LRP1B: variants seen among roughly 807,000 people sequenced by gnomAD.
LRP1B encodes low-density lipoprotein receptor-related protein 1B.
Under a neutral mutation model 556.6 loss-of-function variants are expected in LRP1B, and 217 were observed. That is an observed-to-expected ratio of 0.39 (90% confidence interval 0.35 to 0.44). The LOEUF (loss-of-function observed/expected upper bound fraction) is 0.44, where lower values mean the gene tolerates loss of function less well. LRP1B is among the 20% of genes least tolerant of loss of function. The pLI is 1.00. For synonymous variants in LRP1B, 2,047 were observed against 1,865.8 expected (o/e 1.10, Z -2.50); for missense variants, 5,053 against 5,620.8 (o/e 0.90, Z 3.23).
At chr2:141,180,842 AAAT>A in intron 7 of LRP1B, among the ~76,000 whole-genome samples, 1 of 152,120 alleles carries the variant, frequency 6.6e-6, no homozygotes, top group East Asian at 1.9e-4. Flanking sequence ...GATTTGGAAC[AAAT>A]AATATTTGTT....
chr2:140,403,791 A>G (rs957085937), intron 66 of LRP1B, among the ~76,000 whole-genome samples: 10 of 152,176 alleles, frequency 6.6e-5, no homozygotes, highest in Admixed American at 2.0e-4. Context: ...TGGGAAATTT[A>G]TTGCAAAAAG....
At chr2:141,471,260 A>G (rs1275057898) in intron 3 of LRP1B, among the ~76,000 whole-genome samples, 2 of 76,152 alleles carry the variant, frequency 2.6e-5, no homozygotes, top group African/African-American at 8.1e-5. Flanking sequence ...TTGAGAATAT[A>G]CCCTGGTATT....
At chr2:140,957,988 C>T (rs1156349829) in intron 18 of LRP1B, among the ~76,000 whole-genome samples, 1 of 151,456 alleles carries the variant, frequency 6.6e-6, no homozygotes, top group Non-Finnish European at 1.5e-5. Context: ...TCCTGTAATT[C>T]AGAAATCTTA....
In LRP1B at chr2:141,769,557, C is replaced by T. The variant is rs1245232625; in HGVS notation, c.205+40722G>A. Among the ~76,000 whole-genome samples the T allele has an allele frequency of 2.0e-5, 3 of 152,136 alleles. No individual in the cohort carries two copies. The East Asian group carries it at 5.8e-4, about 29-fold the overall frequency. On this transcript the variant is annotated intron_variant, in intron 2 of 90. Coordinates refer to ENST00000389484, the MANE Select transcript of LRP1B (RefSeq NM_018557.3). ...AGGGAACTTGGCACATTACACGGGA[C>T]ATCAGGTCCCAGGTGGAATACAACA...
chr2:141,058,881 A>G lies in LRP1B; in HGVS notation c.1408+2T>C, dbSNP rs1458233521. On this transcript the variant is annotated splice_donor_variant, in intron 9 of 90. Transcript: ENST00000389484. LOFTEE classifies it high-confidence loss of function. ...AGGTAATAAAGAAGCTTTCCCACTT[A>G]CCTGTTGGTTGAGTTCTTTTTTGAT... 1.9e-6 allele frequency: 3 copies of G among 1,580,620 alleles called. No homozygotes were observed. The highest frequency in any genetic ancestry group is 2.6e-6 in the Non-Finnish European group (3 of 1,165,892).
At chr2:140,344,540 C>T (rs1681555981) in intron 77 of LRP1B, among the ~76,000 whole-genome samples, 1 of 151,640 alleles carries the variant, frequency 6.6e-6, no homozygotes, top group Non-Finnish European at 1.5e-5. Context: ...TGAGTTATGA[C>T]AGAAGGAAAG....
intron 83 of LRP1B, among the ~76,000 whole-genome samples, chr2:140,314,298 A>T (rs950619955): frequency 1.3e-5 from 2 of 152,056 alleles, no homozygotes; most frequent in Non-Finnish European, 2.9e-5. Context: ...CTCATGGGAC[A>T]CATTTTAAAT....
intron 60 of LRP1B, among the ~76,000 whole-genome samples, chr2:140,464,730 CTA>C (rs1558900574): frequency 6.6e-6 from 1 of 152,166 alleles, no homozygotes; most frequent in African/African-American, 2.4e-5. Flanking sequence ...CTGAGCCTGA[CTA>C]TAAGTACTTA....
At position 140,926,667 on chromosome 2, in the gene LRP1B, T is replaced by C. The variant is rs567042240; in HGVS notation, c.3137-3520A>G. Reference sequence around the variant, plus strand: ...TAATGTCCATGATTTTTAGGACTCATTTGACTTTAAAAAAATACCTAGGAT... The same window carrying C: ...TAATGTCCATGATTTTTAGGACTCACTTGACTTTAAAAAAATACCTAGGAT... On this transcript the variant is annotated intron_variant, in intron 20 of 90. Transcript: ENST00000389484. 4.6e-5 allele frequency among the ~76,000 whole-genome samples: 7 copies of C among 152,276 alleles called. No individual in the cohort carries two copies. In the South Asian group the frequency reaches 1.2e-3, roughly 27 times the overall value.
intron 51 of LRP1B, among the ~76,000 whole-genome samples, chr2:140,510,833 C>G: frequency 6.6e-6 from 1 of 152,018 alleles, no homozygotes; most frequent in East Asian, 1.9e-4. Context: ...ACAAAGGGTT[C>G]CTCTTTCCTT....
chr2:140,368,704 A>C, intron 71 of LRP1B, among the ~76,000 whole-genome samples: 1 of 151,864 alleles, frequency 6.6e-6, no homozygotes, highest in East Asian at 1.9e-4. Context: ...CTCAGCTCCT[A>C]TAAGCTCATG....
chr2:141,636,209 G>T lies in LRP1B; in HGVS notation c.206-155676C>A, dbSNP rs150244492. 4.2e-3 allele frequency among the ~76,000 whole-genome samples: 634 copies of T among 152,182 alleles called. 4 individuals are homozygous for T. The highest frequency in any genetic ancestry group is 0.014 in the African/African-American group (596 of 41,538). ...AAGCAACAGGTATATACTACTTAAC[G>T]TTGGGAGTCACCAATAAATTAGTGG... On this transcript the variant is annotated intron_variant, in intron 2 of 90. Transcript: ENST00000389484.
chr2:141,042,713 G>A (rs1195293923), intron 11 of LRP1B, among the ~76,000 whole-genome samples: 2 of 151,968 alleles, frequency 1.3e-5, no homozygotes, highest in Admixed American at 1.3e-4. Context: ...TGAACATAAC[G>A]TGAGCAATCT....
At chr2:140,451,862 A>G (rs114846414) in intron 62 of LRP1B, among the ~76,000 whole-genome samples, 4,706 of 152,220 alleles carry the variant, frequency 0.031, 88 homozygotes, top group South Asian at 0.057. Context: ...AAAACTTTTC[A>G]CTAAAATATT....
intron 2 of LRP1B, among the ~76,000 whole-genome samples, chr2:141,677,396 A>G (rs1220506449): frequency 1.3e-5 from 2 of 152,200 alleles, no homozygotes; most frequent in African/African-American, 4.8e-5. Context: ...TGAAAATCTT[A>G]TTCAAAGTAC....
chr2:140,281,454 GATACCAT>G lies in LRP1B; in HGVS notation c.12968-6863_12968-6857del, dbSNP rs1682910450. 5.3e-5 allele frequency among the ~76,000 whole-genome samples: 8 copies of G among 151,868 alleles called. No individual in the cohort carries two copies. In the South Asian group the frequency reaches 1.7e-3, roughly 31 times the overall value. On this transcript the variant is annotated intron_variant, in intron 84 of 90. Transcript: ENST00000389484. ...TAATATCAGCTAAGCAGGGTATGAAGATACCATATAAGGATAATAAGAAACTGGAGAG... is the reference window on the plus strand; with the variant it reads ...TAATATCAGCTAAGCAGGGTATGAAGATAAGGATAATAAGAAACTGGAGAG...
intron 3 of LRP1B, among the ~76,000 whole-genome samples, chr2:141,459,243 G>A (rs527800190): frequency 1.4e-4 from 21 of 152,178 alleles, no homozygotes; most frequent in African/African-American, 4.3e-4. Flanking sequence ...ACACACACAC[G>A]TGTATGTATA....
intron 18 of LRP1B, among the ~76,000 whole-genome samples, chr2:140,961,627 A>T (rs1000939970): frequency 4.0e-5 from 6 of 151,830 alleles, no homozygotes; most frequent in African/African-American, 9.6e-5. Flanking sequence ...ACTCCACACA[A>T]TTTTTTTTCC....
chr2:140,248,640 A>AAAGT (rs1681273414), intron 86 of LRP1B, among the ~76,000 whole-genome samples: 1 of 151,710 alleles, frequency 6.6e-6, no homozygotes, highest in Admixed American at 6.6e-5. Flanking sequence ...TCATTAGAAT[A>AAAGT]AAGTGAACAA....
Sources: gnomAD v4.1 joint callset for allele counts (sites outside exome capture counted in the v4.1 genomes callset) on GRCh38, gnomAD v4.1.1 for gene constraint, MANE v1.5 for transcripts, NCBI Gene and HGNC (gene_info 2026-07-23, HGNC 2026-07-21) for gene names.